NAA50: variants seen among roughly 807,000 people sequenced by gnomAD.
NAA50 encodes N-alpha-acetyltransferase 50, NatE catalytic subunit.
Under a neutral mutation model 20.7 loss-of-function variants are expected in NAA50, and 7 were observed. The observed-to-expected ratio is 0.34, with a 90% CI of 0.19 to 0.63. The LOEUF is 0.63. Ranked by LOEUF, NAA50 falls within the 30% of genes least tolerant of loss-of-function variation. NAA50 has a pLI of 0.75. For missense variants in NAA50, 111 were observed against 199.1 expected (o/e 0.56, Z 2.66); for synonymous variants, 54 against 70.6 (o/e 0.77, Z 1.18).
In NAA50 at chr3:113,720,015, TTTGGA is replaced by T. The variant is rs1400318594; in HGVS notation, c.*1740_*1744del. The T allele has an allele frequency of 6.6e-6, 1 of 152,650 alleles. No individual in the cohort carries two copies. The highest frequency in any genetic ancestry group is 2.4e-5 in the African/African-American group (1 of 41,452). 9.5% of individuals were successfully genotyped at this position (152,650 alleles called of 1,614,324 possible). A position where few individuals can be genotyped will look rare whatever the true frequency, so the allele number is the denominator to read the frequency against. On this transcript the variant is annotated 3_prime_UTR_variant, in exon 5 of 5. Transcript: ENST00000240922. ...GCTAAACTTTTCTTCTAAGCTTAGA[TTTGGA>T]TTGTTTAAGAAACGAATACCCCCAA... is the stretch of plus-strand genomic sequence containing the variant.
rs1200904994 is a variant in NAA50, at chr3:113,718,199, CTGTG to C, written c.*3557_*3560del. The C allele has an allele frequency of 6.6e-6, 1 of 152,068 alleles. No homozygotes were observed. The highest frequency in any genetic ancestry group is 1.5e-5 in the Non-Finnish European group (1 of 68,018). The allele number at this position is 152,068 out of a possible 1,614,324, so 9.4% of individuals were successfully genotyped here. ...CCAAGAGCCACGTGAGCATCAGGCA[CTGTG>C]TGTGATACCCACACAGTGAGGAACA... On this transcript the variant is annotated 3_prime_UTR_variant, in exon 5 of 5. Transcript: ENST00000240922.
chr3:113,727,231 T>C (rs1170145398), intron 1 of NAA50, among the ~76,000 whole-genome samples: 1 of 152,106 alleles, frequency 6.6e-6, no homozygotes, highest in Non-Finnish European at 1.5e-5. Context: ...TTAGAGCATC[T>C]CATTTAAAAA....
chr3:113,745,886 T>A (rs1054952662), intron 1 of NAA50, 56 bp downstream of exon 1: 13 of 1,577,842 alleles, frequency 8.2e-6, no homozygotes, highest in Middle Eastern at 3.3e-4. Context: ...CCCCTCTACA[T>A]GGGCCCGGAC....
intron 1 of NAA50, among the ~76,000 whole-genome samples, chr3:113,743,902 T>C (rs898768938): frequency 2.0e-5 from 3 of 152,202 alleles, no homozygotes; most frequent in African/African-American, 7.2e-5. Flanking sequence ...AGGTAGATTG[T>C]GAATAATATG....
intron 1 of NAA50, among the ~76,000 whole-genome samples, chr3:113,735,121 G>A (rs1357849199): frequency 6.6e-6 from 1 of 152,152 alleles, no homozygotes; most frequent in African/African-American, 2.4e-5. Context: ...TCTGTAGTAA[G>A]AAGGTCAAAG....
Position 113,745,960 on chromosome 3 carries a change from T to A in NAA50, c.-11A>T. 6.2e-7 allele frequency: 1 copy of A among 1,606,416 alleles called. No individual in the cohort carries two copies. The highest frequency in any genetic ancestry group is 8.5e-7 in the Non-Finnish European group (1 of 1,179,500). On this transcript the variant is annotated 5_prime_UTR_variant, in exon 1 of 5. Transcript: ENST00000240922. ...TCCTCACCCTTTCATCTTCCCCGCC[T>A]GCTGAGGCCGTCGTTACCACCGATA...
Position 113,717,928 on chromosome 3 carries a change from C to T in NAA50, c.*3832G>A, listed in dbSNP as rs1166392200. 1 of 152,342 alleles carries T rather than the reference C, an allele frequency of 6.6e-6. No individual in the cohort carries two copies. 9.4% of individuals were successfully genotyped at this position (152,342 alleles called of 1,614,324 possible). A position where few individuals can be genotyped will look rare whatever the true frequency, so the allele number is the denominator to read the frequency against. ...AGCATCTTCTCTGAGCAGTGATAGC[C>T]AGTCTCCTAGAGGGCCCAATGATAT... On this transcript the variant is annotated 3_prime_UTR_variant, in exon 5 of 5. Coordinates refer to ENST00000240922, the MANE Select transcript of NAA50 (RefSeq NM_025146.4).
At chr3:113,738,288 T>TCTAAA (rs529329504) in intron 1 of NAA50, among the ~76,000 whole-genome samples, 59 of 152,332 alleles carry the variant, frequency 3.9e-4, no homozygotes, top group African/African-American at 1.3e-3. Flanking sequence ...TTCACTGCCA[T>TCTAAA]CTAAATGTTA....
intron 1 of NAA50, chr3:113,739,348 T>C (rs1406604569): frequency 6.6e-6 from 1 of 152,192 alleles, no homozygotes. Context: ...TTCTCATACA[T>C]TGCTGACAGA....
At chr3:113,733,976 A>G (rs1283592323) in intron 1 of NAA50, among the ~76,000 whole-genome samples, 1 of 152,154 alleles carries the variant, frequency 6.6e-6, no homozygotes, top group East Asian at 1.9e-4. Context: ...CAAAAAAGGA[A>G]AAGGGAAAAG....
At chr3:113,723,886 C>T (rs1708166838) in intron 2 of NAA50, 73 bp downstream of exon 2, 3 of 1,414,392 alleles carry the variant, frequency 2.1e-6, no homozygotes, top group Non-Finnish European at 2.8e-6. Flanking sequence ...ACTTCTTCTG[C>T]TCTATAAAAA....
chr3:113,721,572 A>G lies in NAA50; in HGVS notation c.*188T>C. The G allele has an allele frequency of 1.6e-6, 1 of 643,380 alleles. No individual in the cohort carries two copies. The highest frequency in any genetic ancestry group is 2.6e-6 in the Non-Finnish European group (1 of 379,212). The allele number at this position is 643,380 out of a possible 1,614,324, so 39.9% of individuals were successfully genotyped here. A position where few individuals can be genotyped will look rare whatever the true frequency, so the allele number is the denominator to read the frequency against. On this transcript the variant is annotated 3_prime_UTR_variant, in exon 5 of 5. Coordinates refer to ENST00000240922, the MANE Select transcript of NAA50 (RefSeq NM_025146.4). ...TCACAAAAATAAGAGAAAACAATTC[A>G]AACATGATTATTTTTTTAAAGTCCT...
chr3:113,731,705 T>C lies in NAA50; in HGVS notation c.9-7610A>G, dbSNP rs140843787. On this transcript the variant is annotated intron_variant, in intron 1 of 4. Coordinates refer to ENST00000240922, the MANE Select transcript of NAA50 (RefSeq NM_025146.4). ...GCCTTTACTAGACATTTAATATAAATGGAAGCACACAAGAAAAGTGATCTT... is the reference window on the plus strand; with the variant it reads ...GCCTTTACTAGACATTTAATATAAACGGAAGCACACAAGAAAAGTGATCTT... Among the ~76,000 whole-genome samples the C allele has an allele frequency of 1.2e-3, 181 of 152,342 alleles. 1 individual carries two copies. The highest frequency in any genetic ancestry group is 4.2e-3 in the African/African-American group (173 of 41,586).
rs985363485 is a variant in NAA50, at chr3:113,721,646, A to G, written c.*114T>C. Reference sequence around the variant, plus strand: ...AAAAGGAAAGGAAGAAAGAAAAACAAGAACAAGGAGGGAGAAAAGCTTTAA... The same window carrying G: ...AAAAGGAAAGGAAGAAAGAAAAACAGGAACAAGGAGGGAGAAAAGCTTTAA... On this transcript the variant is annotated 3_prime_UTR_variant, in exon 5 of 5. Coordinates refer to ENST00000240922, the MANE Select transcript of NAA50 (RefSeq NM_025146.4). The G allele has an allele frequency of 1.0e-5, 11 of 1,075,094 alleles. No homozygotes were observed. Among genetic ancestry groups the G allele is most frequent in the Non-Finnish European group, 1.4e-5 (10 of 728,608 alleles). The allele number at this position is 1,075,094 out of a possible 1,614,324, so 66.6% of individuals were successfully genotyped here. A position where few individuals can be genotyped will look rare whatever the true frequency, so the allele number is the denominator to read the frequency against.
chr3:113,721,468 T>C lies in NAA50; in HGVS notation c.*292A>G, dbSNP rs1011846362. The C allele has an allele frequency of 4.2e-5, 15 of 357,950 alleles. No individual in the cohort carries two copies. In the South Asian group the frequency reaches 5.4e-4, roughly 13 times the overall value. The allele number at this position is 357,950 out of a possible 1,614,324, so 22.2% of individuals were successfully genotyped here. On this transcript the variant is annotated 3_prime_UTR_variant, in exon 5 of 5. Transcript: ENST00000240922. ...AGCAGGACATTAAATTTGAAATTAT[T>C]TGACAATTAAATGTTTAGGACCATC... is the stretch of plus-strand genomic sequence containing the variant.
chr3:113,716,541 G>T lies in NAA50; in HGVS notation c.*5219C>A, dbSNP rs930141178. 2 of 152,194 alleles carry T rather than the reference G, an allele frequency of 1.3e-5. No homozygotes were observed. The highest frequency in any genetic ancestry group is 2.9e-5 in the Non-Finnish European group (2 of 68,046). The allele number at this position is 152,194 out of a possible 1,614,324, so 9.4% of individuals were successfully genotyped here. A position where few individuals can be genotyped will look rare whatever the true frequency, so the allele number is the denominator to read the frequency against. On this transcript the variant is annotated 3_prime_UTR_variant, in exon 5 of 5. Transcript: ENST00000240922. ...ATTCAAGATTGTTCAAATCTTTACAGAAGATTTTTGATACTAGCAAATGTT... is the reference window on the plus strand; with the variant it reads ...ATTCAAGATTGTTCAAATCTTTACATAAGATTTTTGATACTAGCAAATGTT...
intron 1 of NAA50, among the ~76,000 whole-genome samples, chr3:113,737,072 G>C (rs1708353571): frequency 6.6e-6 from 1 of 152,038 alleles, no homozygotes; most frequent in Admixed American, 6.6e-5. Flanking sequence ...GATAAAGCCA[G>C]AATCAAGCCT....
At chr3:113,744,950 TA>T (rs1708469338) in intron 1 of NAA50, among the ~76,000 whole-genome samples, 1 of 152,216 alleles carries the variant, frequency 6.6e-6, no homozygotes, top group Admixed American at 6.5e-5. Flanking sequence ...TTCGTTAACT[TA>T]AAACATAGTT....
At position 113,721,782 on chromosome 3, in the gene NAA50, T is replaced by A. The variant is rs1339260636; in HGVS notation, c.488A>T (p.Asp163Val). ...TGTTCAGTTGTCTGTCTTTTGCACATCTGCATTCTGACCAGAAGGAACTTT... is the reference window on the plus strand; with the variant it reads ...TGTTCAGTTGTCTGTCTTTTGCACAACTGCATTCTGACCAGAAGGAACTTT... ...NLKVPSGQNA[D>V]VQKTDN Residue 163 changes from aspartate (D) to valine (V), a missense_variant, in exon 5 of 5, where the codon GAT (aspartate) becomes GTT (valine). Coordinates refer to ENST00000240922, the MANE Select transcript of NAA50 (RefSeq NM_025146.4). 1.9e-6 allele frequency: 3 copies of A among 1,613,942 alleles called. No individual in the cohort carries two copies. Among genetic ancestry groups the A allele is most frequent in the Non-Finnish European group, 2.5e-6 (3 of 1,179,834 alleles).
Sources: gnomAD v4.1 joint callset for allele counts (sites outside exome capture counted in the v4.1 genomes callset) on GRCh38, gnomAD v4.1.1 for gene constraint, MANE v1.5 for transcripts, NCBI Gene and HGNC (gene_info 2026-07-23, HGNC 2026-07-21) for gene names.